The following GDA variants were observed in gnomAD, a reference collection of about 807,000 sequenced individuals.
GDA encodes guanine deaminase, also known as cytoplasmic PSD-95 interactor.
Under a neutral mutation model 59.6 loss-of-function variants are expected in GDA, and 18 were observed. The ratio of observed to expected loss-of-function variants is 0.30; its 90% confidence interval spans 0.21 to 0.45. The LOEUF (loss-of-function observed/expected upper bound fraction) is 0.45. Ranked by LOEUF, GDA falls within the 20% of genes least tolerant of loss-of-function variation. GDA has a pLI of 1.00. For synonymous variants in GDA, 201 were observed against 201.1 expected (o/e 1.00, Z 0.00); for missense variants, 427 against 552.3 (o/e 0.77, Z 2.27).
intron 1 of GDA, among the ~76,000 whole-genome samples, chr9:72,158,825 C>T (rs76297767): frequency 0.032 from 4,820 of 152,220 alleles, 277 homozygotes; most frequent in African/African-American, 0.11. Flanking sequence ...TTCAGACAGT[C>T]TGCCAAATCC....
chr9:72,227,893 C>T (rs756519737), intron 8 of GDA, 50 bp from the exon 9 acceptor site: 2 of 969,222 alleles, frequency 2.1e-6, no homozygotes, highest in Non-Finnish European at 3.3e-6. Context: ...TGAGTACCCA[C>T]TTAATCATTT....
chr9:72,124,882 A>T (rs1587298223), intron 1 of GDA, among the ~76,000 whole-genome samples: 1 of 152,332 alleles, frequency 6.6e-6, no homozygotes, highest in Middle Eastern at 3.4e-3. Context: ...TGCTGAGATT[A>T]CAGGCTTGAG....
intron 1 of GDA, among the ~76,000 whole-genome samples, chr9:72,120,843 G>A (rs1432830852): frequency 6.6e-6 from 1 of 152,120 alleles, no homozygotes; most frequent in African/African-American, 2.4e-5. Context: ...ACAGAAGGCA[G>A]CAGGCAGAAA....
intron 3 of GDA, among the ~76,000 whole-genome samples, chr9:72,203,963 C>G (rs921158491): frequency 1.3e-5 from 2 of 151,970 alleles, no homozygotes; most frequent in East Asian, 3.9e-4. Flanking sequence ...ATTACAGGCA[C>G]CTGCCACCAC....
intron 1 of GDA, among the ~76,000 whole-genome samples, chr9:72,161,815 G>A (rs545126926): frequency 1.1e-3 from 162 of 152,294 alleles, no homozygotes; most frequent in African/African-American, 3.7e-3. Flanking sequence ...CAGAGCTTTT[G>A]CACAAAATTA....
chr9:72,246,867 C>T (rs1039027552), intron 12 of GDA, among the ~76,000 whole-genome samples: 2 of 152,002 alleles, frequency 1.3e-5, no homozygotes, highest in Non-Finnish European at 2.9e-5. Flanking sequence ...GGGAATAGTC[C>T]TAGTGATTTT....
intron 5 of GDA, among the ~76,000 whole-genome samples, chr9:72,214,284 AT>A (rs539062407): frequency 5.6e-4 from 81 of 145,620 alleles, no homozygotes; most frequent in Middle Eastern, 3.5e-3. Flanking sequence ...ATTTATTTTT[AT>A]TTTTTTTTTT....
chr9:72,221,754 A>G (rs1014922566), intron 6 of GDA, among the ~76,000 whole-genome samples: 5 of 152,012 alleles, frequency 3.3e-5, no homozygotes, highest in Non-Finnish European at 5.9e-5. Context: ...GTTCCCCTCT[A>G]TGGGTCCATG....
chr9:72,215,549 A>G (rs1294071736), intron 5 of GDA, among the ~76,000 whole-genome samples: 1 of 152,184 alleles, frequency 6.6e-6, no homozygotes, highest in African/African-American at 2.4e-5. Context: ...CATCTCTGCA[A>G]GCTGAAATGC....
rs79223474 is a variant in GDA at position 72,116,924 on chromosome 9, C to T, written c.-100+2091C>T. On this transcript the variant is annotated intron_variant, in intron 1 of 13. Transcript: ENST00000545168. ...ATATCTCCTAATGCTATCCCTCCCCCCTCCCACCACCCCACGACAGGCCCC... is the reference window on the plus strand; with the variant it reads ...ATATCTCCTAATGCTATCCCTCCCCTCTCCCACCACCCCACGACAGGCCCC... 6.2e-4 allele frequency among the ~76,000 whole-genome samples: 93 copies of T among 149,142 alleles called. 2 individuals carry two copies. The highest frequency in any genetic ancestry group is 2.1e-3 in the African/African-American group (86 of 40,370).
intron 1 of GDA, among the ~76,000 whole-genome samples, chr9:72,131,078 C>T (rs1336844587): frequency 2.0e-5 from 3 of 152,108 alleles, no homozygotes; most frequent in Non-Finnish European, 4.4e-5. Flanking sequence ...TCCACTGATG[C>T]CCTAGGAAAA....
In GDA at chr9:72,250,078, C is replaced by A; in HGVS notation, c.*1736C>A. 1.0e-6 allele frequency: 1 copy of A among 982,878 alleles called. No homozygotes were observed. Among genetic ancestry groups the A allele is most frequent in the Non-Finnish European group, 1.2e-6 (1 of 827,642 alleles). The allele number at this position is 982,878 out of a possible 1,614,324, so 60.9% of individuals were successfully genotyped here. On this transcript the variant is annotated 3_prime_UTR_variant, in exon 14 of 14. Coordinates refer to ENST00000358399, the MANE Select transcript of GDA (RefSeq NM_004293.5). The stretch of plus-strand genomic sequence containing the variant: ...GTCTTAGTCTGTATTTCCAATATTT[C>A]TAATTCCTGAGCCACGTCAAAGATG...
intron 6 of GDA, among the ~76,000 whole-genome samples, chr9:72,219,825 C>T (rs769972189): frequency 1.4e-4 from 22 of 152,138 alleles, no homozygotes; most frequent in East Asian, 3.8e-4. Context: ...TTCCCACACA[C>T]GCTGTACACT....
intron 1 of GDA, among the ~76,000 whole-genome samples, chr9:72,127,379 C>T (rs1825881778): frequency 6.6e-6 from 1 of 152,000 alleles, no homozygotes; most frequent in South Asian, 2.1e-4. Flanking sequence ...TGGCTCACAC[C>T]TGTAATCCCA....
Position 72,180,465 on chromosome 9 carries a change from G to C in GDA, c.124-15035G>C, listed in dbSNP as rs1831053256. ...GTCTGTGTATCTGATACAGTCTATTGAGATCAACTTTATGGTCAATTGATA... is the reference window on the plus strand; with the variant it reads ...GTCTGTGTATCTGATACAGTCTATTCAGATCAACTTTATGGTCAATTGATA... On this transcript the variant is annotated intron_variant, in intron 1 of 13. Coordinates refer to ENST00000358399, the MANE Select transcript of GDA (RefSeq NM_004293.5). 3.3e-5 allele frequency among the ~76,000 whole-genome samples: 5 copies of C among 152,160 alleles called. 1 individual carries two copies. Among genetic ancestry groups the C allele is most frequent in the Admixed American group, 3.3e-4 (5 of 15,278 alleles).
chr9:72,178,265 T>A (rs1403385898), intron 1 of GDA, among the ~76,000 whole-genome samples: 1 of 152,248 alleles, frequency 6.6e-6, no homozygotes, highest in Non-Finnish European at 1.5e-5. Context: ...TCACAGTTAA[T>A]ATACCATGGT....
At chr9:72,192,975 T>C (rs541352738) in intron 1 of GDA, among the ~76,000 whole-genome samples, 2 of 152,340 alleles carry the variant, frequency 1.3e-5, no homozygotes, top group South Asian at 4.1e-4. Context: ...CCTTGATTCT[T>C]TTTAATTATT....
At chr9:72,246,822 T>C (rs1840188558) in intron 12 of GDA, among the ~76,000 whole-genome samples, 1 of 152,156 alleles carries the variant, frequency 6.6e-6, no homozygotes, top group African/African-American at 2.4e-5. Context: ...TCTTTTACTC[T>C]CTGATTAGAG....
intron 4 of GDA, among the ~76,000 whole-genome samples, chr9:72,213,333 G>A (rs545230967): frequency 2.0e-5 from 3 of 152,248 alleles, no homozygotes; most frequent in East Asian, 3.9e-4. Flanking sequence ...AATGGGGATG[G>A]GGGAGGTAGT....
Sources: allele counts gnomAD v4.1 joint callset (sites outside exome capture counted in the v4.1 genomes callset), GRCh38; gene constraint gnomAD v4.1.1; transcripts MANE v1.5; gene names NCBI Gene and HGNC (gene_info 2026-07-23, HGNC 2026-07-21).